Variants in TFDP2 observed in about 807,000 individuals in gnomAD.
The protein encoded by TFDP2 is transcription factor Dp-2.
In TFDP2, 17 loss-of-function variants were observed where a neutral mutation model predicts 59.3. The observed-to-expected ratio is 0.29, with a 90% confidence interval of 0.20 to 0.43. The LOEUF (loss-of-function observed/expected upper bound fraction) is 0.43, where lower values mean the gene tolerates loss of function less well. Among genes scored for constraint, TFDP2 ranks in the 20% least tolerant of loss-of-function variants. The pLI is 1.00. For missense variants in TFDP2, 391 were observed against 528.8 expected (o/e 0.74, Z 2.56); for synonymous variants, 180 against 194.7 (o/e 0.92, Z 0.63).
Position 141,953,023 on chromosome 3 carries a change from G to GA in TFDP2, c.1052-8dup, listed in dbSNP as rs763360939. Reference sequence around the variant, plus strand: ...GAAGGTCCTGTGGAGATATCTAAAGGAAAAAATGAGAACAAAAAATGTCGG... The same window carrying GA: ...GAAGGTCCTGTGGAGATATCTAAAGGAAAAAAATGAGAACAAAAAATGTCGG... On this transcript the variant is annotated splice_polypyrimidine_tract_variant and splice_region_variant and intron_variant, in intron 11 of 12. Transcript: ENST00000489671. 10 of 1,597,506 alleles carry GA rather than the reference G, an allele frequency of 6.3e-6. No homozygotes were observed. In the Admixed American group the frequency reaches 6.8e-5, roughly 11 times the overall value.
chr3:142,125,656 G>A (rs1037354831), intron 1 of TFDP2, among the ~76,000 whole-genome samples: 3 of 152,132 alleles, frequency 2.0e-5, no homozygotes, highest in East Asian at 3.9e-4. Context: ...GATATAGAGT[G>A]ACCTCCAGTA....
At chr3:141,980,742 G>C (rs1576559597) in intron 6 of TFDP2, among the ~76,000 whole-genome samples, 2 of 151,880 alleles carry the variant, frequency 1.3e-5, no homozygotes, top group Middle Eastern at 3.4e-3. Flanking sequence ...CACCATGTTG[G>C]TCAGGCTGGT....
In TFDP2 at chr3:141,951,190, TG is replaced by T. The variant is rs1259429795; in HGVS notation, c.*1322del. On this transcript the variant is annotated 3_prime_UTR_variant, in exon 13 of 13. Transcript: ENST00000489671. ...TGGAGTTAATTCTCCCATTATTATTTGCTCCTTTCCAAAGCCTTAATGTGAA... is the reference window on the plus strand; with the variant it reads ...TGGAGTTAATTCTCCCATTATTATTTCTCCTTTCCAAAGCCTTAATGTGAA... 1 of 152,226 alleles carries T rather than the reference TG, an allele frequency of 6.6e-6. No homozygotes were observed. The highest frequency in any genetic ancestry group is 1.9e-4 in the East Asian group (1 of 5,192). 9.4% of individuals were successfully genotyped at this position (152,226 alleles called of 1,614,324 possible).
chr3:142,103,793 A>G (rs2061387500), intron 1 of TFDP2, among the ~76,000 whole-genome samples: 1 of 152,186 alleles, frequency 6.6e-6, no homozygotes, highest in Non-Finnish European at 1.5e-5. Context: ...AAGATCATAA[A>G]TAATGGGTGT....
At chr3:142,077,039 G>C (rs974473629) in intron 3 of TFDP2, among the ~76,000 whole-genome samples, 1 of 152,284 alleles carries the variant, frequency 6.6e-6, no homozygotes, top group African/African-American at 2.4e-5. Flanking sequence ...TATGCACCTG[G>C]GGGAGGGAGA....
At chr3:142,037,039 C>G (rs763851685) in intron 3 of TFDP2, among the ~76,000 whole-genome samples, 1 of 152,148 alleles carries the variant, frequency 6.6e-6, no homozygotes, top group Non-Finnish European at 1.5e-5. Flanking sequence ...CCTCTACATT[C>G]CTACATAAAA....
At chr3:142,147,431 T>C (rs1262958513) in intron 1 of TFDP2, among the ~76,000 whole-genome samples, 1 of 152,184 alleles carries the variant, frequency 6.6e-6, no homozygotes, top group Non-Finnish European at 1.5e-5. Flanking sequence ...ATCAGTTATA[T>C]TGAGGGCACA....
chr3:142,116,892 G>C (rs1433578730), intron 1 of TFDP2, among the ~76,000 whole-genome samples: 2 of 151,872 alleles, frequency 1.3e-5, no homozygotes, highest in Non-Finnish European at 2.9e-5. Context: ...GTTGACTCTT[G>C]GATTTTTCAG....
At chr3:142,073,298 G>A (rs959451793) in intron 3 of TFDP2, among the ~76,000 whole-genome samples, 2 of 152,068 alleles carry the variant, frequency 1.3e-5, no homozygotes, top group Non-Finnish European at 2.9e-5. Flanking sequence ...AGTTTTGTAC[G>A]CTACTGATAG....
chr3:142,037,849 A>C (rs907400820), intron 3 of TFDP2, among the ~76,000 whole-genome samples: 4 of 152,156 alleles, frequency 2.6e-5, no homozygotes, highest in African/African-American at 9.7e-5. Flanking sequence ...TCCACTATAC[A>C]GTTGTGTCAT....
intron 8 of TFDP2, among the ~76,000 whole-genome samples, chr3:141,971,293 G>A (rs571945230): frequency 2.7e-5 from 4 of 150,348 alleles, no homozygotes; most frequent in East Asian, 3.9e-4. Flanking sequence ...AGGCCGAGGT[G>A]GGCGGATCAC....
At chr3:142,078,657 G>C (rs2060542214) in intron 3 of TFDP2, among the ~76,000 whole-genome samples, 1 of 152,104 alleles carries the variant, frequency 6.6e-6, no homozygotes, top group South Asian at 2.1e-4. Context: ...AGAATACCTA[G>C]AAAGCCTTCC....
At chr3:141,967,745 G>A (rs575011229) in intron 9 of TFDP2, among the ~76,000 whole-genome samples, 2 of 152,254 alleles carry the variant, frequency 1.3e-5, no homozygotes, top group South Asian at 4.1e-4. Context: ...TTTGGTTTGA[G>A]AGACAGTAGA....
At chr3:142,022,336 T>C (rs544429404) in intron 3 of TFDP2, among the ~76,000 whole-genome samples, 1 of 152,338 alleles carries the variant, frequency 6.6e-6, no homozygotes, top group African/African-American at 2.4e-5. Flanking sequence ...ATTAAGGAAA[T>C]AACGAAATGC....
intron 3 of TFDP2, among the ~76,000 whole-genome samples, chr3:142,027,048 T>C (rs1451261288): frequency 6.9e-6 from 1 of 144,528 alleles, no homozygotes; most frequent in Non-Finnish European, 1.5e-5. Flanking sequence ...TTTGAGATTT[T>C]GTACCTACTG....
chr3:142,136,719 T>C (rs141082867), intron 1 of TFDP2, among the ~76,000 whole-genome samples: 6,937 of 152,138 alleles, frequency 0.046, 525 homozygotes, highest in African/African-American at 0.15. Context: ...TTGTCAAAGA[T>C]CAGATGGTTG....
chr3:142,100,858 A>G (rs1420311506), intron 2 of TFDP2, among the ~76,000 whole-genome samples: 2 of 152,170 alleles, frequency 1.3e-5, no homozygotes, highest in African/African-American at 2.4e-5. Context: ...TGAGAAATGA[A>G]AACCAAATAC....
At chr3:142,064,859 C>T (rs1218436192) in intron 3 of TFDP2, among the ~76,000 whole-genome samples, 3 of 152,142 alleles carry the variant, frequency 2.0e-5, no homozygotes, top group African/African-American at 7.2e-5. Flanking sequence ...ATGTGGTAAC[C>T]TTAGTCTCTT....
At chr3:142,036,296 C>G (rs1946691964) in intron 3 of TFDP2, among the ~76,000 whole-genome samples, 1 of 152,164 alleles carries the variant, frequency 6.6e-6, no homozygotes, top group Non-Finnish European at 1.5e-5. Context: ...TGGTCCATGA[C>G]TTTACTGCTA....
Sources: gnomAD v4.1 joint callset for allele counts (sites outside exome capture counted in the v4.1 genomes callset) on GRCh38, gnomAD v4.1.1 for gene constraint, MANE v1.5 for transcripts, NCBI Gene and HGNC (gene_info 2026-07-23, HGNC 2026-07-21) for gene names.